GLDC: variants seen among roughly 807,000 people sequenced by gnomAD.
GLDC encodes glycine dehydrogenase (decarboxylating), mitochondrial.
In GLDC, 104 loss-of-function variants were observed where a neutral mutation model predicts 121.3. That is an observed-to-expected ratio of 0.86 (90% CI 0.73 to 1.01). The LOEUF (loss-of-function observed/expected upper bound fraction) is 1.01, where lower values mean the gene tolerates loss of function less well. GLDC is among the 50% of genes least tolerant of loss of function. The pLI, the probability that GLDC is intolerant of heterozygous loss-of-function variation, is 0.00. For missense variants in GLDC, 1,429 were observed against 1,306.6 expected, an observed-to-expected ratio of 1.09 and a Z score of -1.44; for synonymous variants, 546 against 480.6, an observed-to-expected ratio of 1.14 and a Z score of -1.78.
chr9:6,566,053 G>A (rs76004650), intron 15 of GLDC, among the ~76,000 whole-genome samples: 1 of 152,160 alleles, frequency 6.6e-6, no homozygotes, highest in Admixed American at 6.5e-5. Flanking sequence ...ATCAGCCTGG[G>A]CAGCATGGCG....
chr9:6,629,953 A>ATTTTTTTTT (rs1208714084), intron 2 of GLDC, among the ~76,000 whole-genome samples: 1 of 71,756 alleles, frequency 1.4e-5, no homozygotes, highest in African/African-American at 6.8e-5. Context: ...ATGTATATAT[A>ATTTTTTTTT]TATATTTTTT....
chr9:6,610,467 G>A (rs953119955), intron 3 of GLDC, 111 bp from the exon 4 acceptor site: 9 of 990,168 alleles, frequency 9.1e-6, no homozygotes, highest in Non-Finnish European at 1.4e-5. Flanking sequence ...ATCTTGAGGA[G>A]AATTACATAA....
At chr9:6,554,957 G>A in intron 18 of GLDC, 176 bp from the exon 19 acceptor site, 2 of 672,422 alleles carry the variant, frequency 3.0e-6, no homozygotes, top group Non-Finnish European at 2.7e-6. Context: ...GTCACAAACT[G>A]GCATCCGATA....
chr9:6,593,268 G>GATAT lies in GLDC; in HGVS notation c.1262-282_1262-279dup, dbSNP rs34438524. On this transcript the variant is annotated intron_variant, in intron 9 of 24. Coordinates refer to ENST00000321612, the MANE Select transcript of GLDC (RefSeq NM_000170.3). ...AGAAATGGGGGAGCAGGTAGTATCA[G>GATAT]ATATATATATATATATATAAAATTA... is the stretch of plus-strand genomic sequence containing the variant. Among the ~76,000 whole-genome samples the GATAT allele has an allele frequency of 0.027, 3,942 of 143,898 alleles. 79 individuals carry two copies. The highest frequency in any genetic ancestry group is 0.04 in the Non-Finnish European group (2,668 of 66,092). 94.4% of individuals were successfully genotyped at this position (143,898 alleles called of 152,430 possible).
Position 6,627,056 on chromosome 9 carries a change from G to A in GLDC, c.335-6737C>T, listed in dbSNP as rs578003563. On this transcript the variant is annotated intron_variant, in intron 2 of 24. Coordinates refer to ENST00000321612, the MANE Select transcript of GLDC (RefSeq NM_000170.3). ...CATGCCTGTAATCCCAGCACTTTGG[G>A]AGGCTGAGGCGGGTGGATCACAAGA... Among the ~76,000 whole-genome samples, 4 of 152,252 alleles carry A rather than the reference G, an allele frequency of 2.6e-5. No individual in the cohort carries two copies. The East Asian group carries it at 7.7e-4, about 29-fold the overall frequency.
At chr9:6,624,922 A>C (rs2129966324) in intron 2 of GLDC, among the ~76,000 whole-genome samples, 1 of 151,774 alleles carries the variant, frequency 6.6e-6, no homozygotes, top group South Asian at 2.1e-4. Flanking sequence ...AGGGAGGCGG[A>C]GATTGCAGTG....
chr9:6,608,218 C>T (rs1164717971), intron 4 of GLDC, among the ~76,000 whole-genome samples: 1 of 150,688 alleles, frequency 6.6e-6, no homozygotes, highest in East Asian at 1.9e-4. Context: ...TCGAGACCCT[C>T]CTGGCTAACA....
chr9:6,541,839 G>T (rs374734361), intron 21 of GLDC: 2 of 27,394 alleles, frequency 7.3e-5, no homozygotes, highest in South Asian at 1.3e-3. Context: ...AAAAAAAAAA[G>T]AAGTGGTTTT....
chr9:6,587,861 GAT>G (rs1818301933), intron 14 of GLDC, among the ~76,000 whole-genome samples: 1 of 151,912 alleles, frequency 6.6e-6, no homozygotes, highest in Non-Finnish European at 1.5e-5. Context: ...TCTTTCGTCT[GAT>G]ATGATATGTC....
chr9:6,592,293 G>T, intron 10 of GLDC, 70 bp from the exon 11 acceptor site: 4 of 933,914 alleles, frequency 4.3e-6, no homozygotes, highest in South Asian at 1.3e-5. Context: ...TCCCAAGAGA[G>T]GTCAAAGGGG....
In GLDC at chr9:6,645,270, T is replaced by C. The variant is rs569728662; in HGVS notation, c.230A>G (p.Glu77Gly). 8 of 1,601,412 alleles carry C rather than the reference T, an allele frequency of 5.0e-6. No homozygotes were observed. The highest frequency in any genetic ancestry group is 1.4e-5 in the African/African-American group (1 of 73,726). Residue 77 changes from glutamate to glycine, a missense_variant, in exon 1 of 25, where the codon GAG becomes GGG. Transcript: ENST00000321612. ...CGCCAGCCCCAAGGTCTGCAGCATC[T>C]CTCTCTGGTCTTTGTCCCCAGGGCC... ...HIGPGDKDQR[E>G]MLQTLGLASI...
At chr9:6,536,906 T>C (rs1436357678) in intron 22 of GLDC, among the ~76,000 whole-genome samples, 1 of 152,214 alleles carries the variant, frequency 6.6e-6, no homozygotes, top group East Asian at 1.9e-4. Flanking sequence ...ACAGGCTCAG[T>C]GTGTTTCTGT....
intron 15 of GLDC, among the ~76,000 whole-genome samples, chr9:6,585,652 A>C (rs1448431637): frequency 2.0e-5 from 3 of 152,152 alleles, no homozygotes; most frequent in African/African-American, 7.2e-5. Flanking sequence ...TTGAAACAGA[A>C]ATTTTGCATT....
Position 6,645,454 on chromosome 9 carries a change from C to T in GLDC, c.46G>A (p.Val16Ile), listed in dbSNP as rs1819727529. The change falls in exon 1 of 25, where the codon GTC (valine) becomes ATC (isoleucine). Residue 16 changes from valine (V) to isoleucine (I), a missense_variant. Coordinates refer to ENST00000321612, the MANE Select transcript of GLDC (RefSeq NM_000170.3). ...CCAGCCAGGCGGCGGCCGCCCCCGA[C>T]CCCGCGGCCCAGGCGCAGCCCCCAC... Reference protein sequence around the residue: ...RAWGLRLGRGVGGGRRLAGGS... With the variant: ...RAWGLRLGRGIGGGRRLAGGS... 1.6e-6 allele frequency: 2 copies of T among 1,254,418 alleles called. No homozygotes were observed. The highest frequency in any genetic ancestry group is 2.0e-6 in the Non-Finnish European group (2 of 1,006,298). The allele number at this position is 1,254,418 out of a possible 1,614,324, so 77.7% of individuals were successfully genotyped here.
rs751114163 is a variant in GLDC at position 6,554,679 on chromosome 9, G to T, written c.2305C>A (p.Pro769Thr). 1.9e-5 allele frequency: 30 copies of T among 1,609,172 alleles called. No individual in the cohort carries two copies. Among genetic ancestry groups the T allele is most frequent in the Non-Finnish European group, 2.5e-5 (29 of 1,177,422 alleles). The change falls in exon 19 of 25, where the codon CCC becomes ACC. Residue 769 changes from proline to threonine, a missense_variant. Transcript: ENST00000321612. ...PHGGGGPGMG[P>T]IGVKKHLAPF... is the part of the protein sequence containing the mutation. ...CAGCCCAGAACTTACACTCCGATGG[G>T]CCCCATGCCAGGACCACCTCCTCCG...
chr9:6,586,251 C>A (rs1281625388), intron 15 of GLDC, among the ~76,000 whole-genome samples: 1 of 152,058 alleles, frequency 6.6e-6, no homozygotes, highest in Admixed American at 6.6e-5. Context: ...GCCGAGATCA[C>A]GCCATTGCAC....
At chr9:6,565,240 TG>T in intron 16 of GLDC, 113 bp downstream of exon 16, 1 of 807,718 alleles carries the variant, frequency 1.2e-6, no homozygotes, top group South Asian at 1.3e-5. Context: ...CTTGACTATA[TG>T]TTCCCTCATC....
chr9:6,641,461 C>A (rs1356042403), intron 2 of GLDC, among the ~76,000 whole-genome samples: 1 of 152,186 alleles, frequency 6.6e-6, no homozygotes, highest in Non-Finnish European at 1.5e-5. Flanking sequence ...ACTTTGTACA[C>A]CCACGACCTT....
rs2129898660 is a variant in GLDC at position 6,605,278 on chromosome 9, T to C, written c.714A>G (p.Lys238=). ...TCAGCTCAGTGAGGACTCCAGTATA[T>C]CTGGAAAGACAGACAACAAAGAACA... ...QTIAVVQTRA[K]YTGVLTELKL... is the part of the protein sequence containing the mutation. Residue 238 remains lysine (K), a splice_region_variant and synonymous_variant, in exon 6 of 25, where the codon AAA becomes AAG. Coordinates refer to ENST00000321612, the MANE Select transcript of GLDC (RefSeq NM_000170.3). The C allele has an allele frequency of 6.2e-7, 1 of 1,613,670 alleles. No individual in the cohort carries two copies. The highest frequency in any genetic ancestry group is 8.5e-7 in the Non-Finnish European group (1 of 1,179,556).
Sources: allele counts gnomAD v4.1 joint callset (sites outside exome capture counted in the v4.1 genomes callset), GRCh38; gene constraint gnomAD v4.1.1; transcripts MANE v1.5; gene names NCBI Gene and HGNC (gene_info 2026-07-23, HGNC 2026-07-21).